The following CNTN4 variants were observed in gnomAD, a reference collection of about 807,000 sequenced individuals.
The protein encoded by CNTN4 is contactin 4.
A neutral mutation model predicts 122.5 loss-of-function variants in CNTN4; 77 were observed. The ratio of observed to expected loss-of-function variants is 0.63; its 90% CI spans 0.52 to 0.76. CNTN4 has a LOEUF of 0.76. CNTN4 is among the 30% of genes least tolerant of loss of function. The pLI is 0.00. For synonymous variants in CNTN4, 512 were observed against 447.0 expected (o/e 1.15, Z -1.83); for missense variants, 1,256 against 1,259.1 (o/e 1.00, Z 0.04).
intron 2 of CNTN4, among the ~76,000 whole-genome samples, chr3:2,337,231 G>GTTC (rs1267336418): frequency 6.6e-6 from 1 of 152,102 alleles, no homozygotes; most frequent in Non-Finnish European, 1.5e-5. Context: ...CAACAGATAA[G>GTTC]TTCTTTTGGC....
chr3:2,286,473 G>C (rs572073014), intron 2 of CNTN4, among the ~76,000 whole-genome samples: 2 of 151,826 alleles, frequency 1.3e-5, no homozygotes, highest in South Asian at 4.2e-4. Flanking sequence ...TGTTAAACAA[G>C]GCTTGTCAAG....
intron 2 of CNTN4, among the ~76,000 whole-genome samples, chr3:2,153,428 G>C (rs2035580130): frequency 6.6e-6 from 1 of 152,246 alleles, no homozygotes. Flanking sequence ...TTGGTCATTG[G>C]ATGTGGTAAC....
chr3:2,597,231 T>G (rs944467523), intron 4 of CNTN4, among the ~76,000 whole-genome samples: 1 of 152,174 alleles, frequency 6.6e-6, no homozygotes, highest in Non-Finnish European at 1.5e-5. Context: ...TAGCCAAGAT[T>G]TCAGAGATTG....
rs545345344 is a variant in CNTN4, at chr3:2,917,292, G to A, written c.1208-8337G>A. On this transcript the variant is annotated intron_variant, in intron 12 of 24. Transcript: ENST00000418658. Reference sequence around the variant, plus strand: ...GCATCAGAGGGAGACCGTGGAAAGCGGGAGGCGGAGACGAGGCAGAGGGGG... The same window carrying A: ...GCATCAGAGGGAGACCGTGGAAAGCAGGAGGCGGAGACGAGGCAGAGGGGG... Among the ~76,000 whole-genome samples, 115 of 151,912 alleles carry A rather than the reference G, an allele frequency of 7.6e-4. No homozygotes were observed. The South Asian group carries it at 0.019, about 25-fold the overall frequency.
chr3:3,010,987 C>G (rs188658923), intron 14 of CNTN4, among the ~76,000 whole-genome samples: 5 of 152,304 alleles, frequency 3.3e-5, no homozygotes, highest in Non-Finnish European at 7.3e-5. Context: ...GCTACCCCAT[C>G]CTCTCACGTT....
intron 19 of CNTN4, chr3:3,039,704 A>G (rs1243230339): frequency 2.8e-6 from 1 of 354,158 alleles, no homozygotes; most frequent in African/African-American, 2.1e-5. Context: ...TTAGTATTAG[A>G]GGATACGTGT....
chr3:2,220,909 GA>G (rs1053359870), intron 2 of CNTN4, among the ~76,000 whole-genome samples: 1 of 151,924 alleles, frequency 6.6e-6, no homozygotes, highest in South Asian at 2.1e-4. Context: ...ATCTTTATCA[GA>G]AAAAAGGTAG....
intron 3 of CNTN4, among the ~76,000 whole-genome samples, chr3:2,495,187 G>A (rs2076421763): frequency 1.3e-5 from 2 of 152,100 alleles, no homozygotes; most frequent in Non-Finnish European, 2.9e-5. Flanking sequence ...AAAATGACAG[G>A]CCTTCAAGTT....
intron 3 of CNTN4, among the ~76,000 whole-genome samples, chr3:2,525,400 A>G (rs749510557): frequency 3.7e-4 from 57 of 152,140 alleles, no homozygotes; most frequent in Admixed American, 7.9e-4. Context: ...AACTGACTGG[A>G]TATTGTTTAT....
chr3:2,509,601 A>G (rs182965464), intron 3 of CNTN4, among the ~76,000 whole-genome samples: 1 of 152,312 alleles, frequency 6.6e-6, no homozygotes, highest in African/African-American at 2.4e-5. Context: ...AGGGTTTGGT[A>G]GTGGACATCT....
intron 3 of CNTN4, among the ~76,000 whole-genome samples, chr3:2,533,282 C>A (rs901595639): frequency 1.3e-5 from 2 of 151,924 alleles, no homozygotes; most frequent in Middle Eastern, 3.2e-3. Context: ...TTTCCCTCCC[C>A]CTCCCTCCAC....
chr3:3,040,778 T>C (rs919093528), intron 20 of CNTN4, among the ~76,000 whole-genome samples: 20 of 152,028 alleles, frequency 1.3e-4, no homozygotes, highest in Non-Finnish European at 4.4e-5. Context: ...AAATATAAAA[T>C]TAGCCAGTTG....
Position 2,407,607 on chromosome 3 carries a change from T to C in CNTN4, c.-89+68374T>C, listed in dbSNP as rs941575949. Among the ~76,000 whole-genome samples the C allele has an allele frequency of 3.0e-4, 46 of 152,320 alleles. 2 individuals are homozygous for C. The Middle Eastern group carries it at 0.017, about 56-fold the overall frequency. ...TGCAGTCTTAGCTTCATGTGCTGCC[T>C]GACCACATACTTCGTACTTGCTTCC... is the stretch of plus-strand genomic sequence containing the variant. On this transcript the variant is annotated intron_variant, in intron 3 of 24. Coordinates refer to ENST00000418658, the MANE Select transcript of CNTN4 (RefSeq NM_175607.3).
At chr3:2,975,436 T>C (rs553463551) in intron 13 of CNTN4, among the ~76,000 whole-genome samples, 1 of 152,326 alleles carries the variant, frequency 6.6e-6, no homozygotes, top group East Asian at 1.9e-4. Context: ...GGATTTCATT[T>C]TTCTTAACTG....
At chr3:2,879,324 G>T (rs1444819025) in intron 8 of CNTN4, among the ~76,000 whole-genome samples, 1 of 152,084 alleles carries the variant, frequency 6.6e-6, no homozygotes, top group Admixed American at 6.6e-5. Flanking sequence ...AGTCTCAAAG[G>T]GTGCATGGCC....
intron 2 of CNTN4, among the ~76,000 whole-genome samples, chr3:2,209,569 T>TG (rs1439615718): frequency 6.6e-6 from 1 of 152,158 alleles, no homozygotes; most frequent in Non-Finnish European, 1.5e-5. Context: ...CCTTCAACCC[T>TG]GTGCTGGGTA....
chr3:2,721,952 T>C (rs991442490), intron 4 of CNTN4, among the ~76,000 whole-genome samples: 1 of 152,174 alleles, frequency 6.6e-6, no homozygotes, highest in Non-Finnish European at 1.5e-5. Flanking sequence ...TCCCCTTTGC[T>C]ATGTGAGGAC....
At chr3:2,763,046 A>G (rs2090667226) in intron 6 of CNTN4, among the ~76,000 whole-genome samples, 1 of 145,194 alleles carries the variant, frequency 6.9e-6, no homozygotes, top group Non-Finnish European at 1.5e-5. Context: ...GGTTCATGCC[A>G]TTCTCCCGCC....
At chr3:2,214,785 A>C (rs1004739619) in intron 2 of CNTN4, among the ~76,000 whole-genome samples, 2 of 152,160 alleles carry the variant, frequency 1.3e-5, no homozygotes, top group Admixed American at 6.5e-5. Context: ...AGGTACATTA[A>C]AAAAAATCTC....
Sources: allele counts gnomAD v4.1 joint callset (sites outside exome capture counted in the v4.1 genomes callset), GRCh38; gene constraint gnomAD v4.1.1; transcripts MANE v1.5; gene names NCBI Gene and HGNC (gene_info 2026-07-23, HGNC 2026-07-21).